The following GOLGB1 variants were observed in gnomAD, a reference collection of about 807,000 sequenced individuals.
GOLGB1 encodes golgin subfamily B member 1.
In GOLGB1, 174 loss-of-function variants were observed where a neutral mutation model predicts 336.9. That is an observed-to-expected ratio of 0.52 (90% CI 0.46 to 0.59). The LOEUF (loss-of-function observed/expected upper bound fraction) is 0.59, where lower values mean the gene tolerates loss of function less well. GOLGB1 is among the 20% of genes least tolerant of loss of function. The pLI, the probability that GOLGB1 is intolerant of heterozygous loss-of-function variation, is 0.00. For missense variants in GOLGB1, 3,331 were observed against 3,645.3 expected (o/e 0.91, Z 2.22); for synonymous variants, 1,208 against 1,289.2 (o/e 0.94, Z 1.35).
chr3:121,690,834 C>T lies in GOLGB1; in HGVS notation c.8530G>A (p.Ala2844Thr). Reference sequence around the variant, plus strand: ...TGATCTCTCTCATTCTGCAGACTGGCCATAGCCTTGGAAAAGGACTGCACT... The same window carrying T: ...TGATCTCTCTCATTCTGCAGACTGGTCATAGCCTTGGAAAAGGACTGCACT... ...NQVQSFSKAMASLQNERDHLW... is the reference protein window; with the variant it reads ...NQVQSFSKAMTSLQNERDHLW... Residue 2844 changes from alanine to threonine, a missense_variant, in exon 14 of 22, where the codon GCC (alanine) becomes ACC (threonine). Ala to Thr is a moderately conservative substitution (Grantham distance 58, BLOSUM62 0). Coordinates refer to ENST00000614479, the MANE Select transcript of GOLGB1 (RefSeq NM_001366282.2). 1.2e-6 allele frequency: 2 copies of T among 1,611,878 alleles called. No homozygotes were observed. The highest frequency in any genetic ancestry group is 1.7e-6 in the Non-Finnish European group (2 of 1,179,020).
intron 1 of GOLGB1, among the ~76,000 whole-genome samples, chr3:121,740,399 A>G (rs1196396953): frequency 6.6e-6 from 1 of 152,236 alleles, no homozygotes; most frequent in African/African-American, 2.4e-5. Context: ...AACAAATGAA[A>G]AAGAAATGAA....
In GOLGB1 at chr3:121,697,442, T is replaced by C; in HGVS notation, c.3081A>G (p.Glu1027=). ...LEEELANLKD[E]SKKEIPLSET... is the part of the protein sequence containing the mutation. Reference sequence around the variant, plus strand: ...CACTGAGTGGGATTTCTTTCTTAGATTCATCTTTCAAGTTGGCTAATTCTT... The same window carrying C: ...CACTGAGTGGGATTTCTTTCTTAGACTCATCTTTCAAGTTGGCTAATTCTT... Residue 1027 remains glutamate, a synonymous_variant, in exon 13 of 22, where the codon GAA becomes GAG. Coordinates refer to ENST00000614479, the MANE Select transcript of GOLGB1 (RefSeq NM_001366282.2). 6.2e-7 allele frequency: 1 copy of C among 1,611,322 alleles called. No homozygotes were observed. Among genetic ancestry groups the C allele is most frequent in the African/African-American group, 1.3e-5 (1 of 74,754 alleles).
chr3:121,717,291 A>T, intron 8 of GOLGB1, 152 bp from the exon 9 acceptor site: 1 of 658,688 alleles, frequency 1.5e-6, no homozygotes, highest in Non-Finnish European at 2.5e-6. Context: ...GTTGAAAATT[A>T]AGAAGAGAGG....
chr3:121,711,779 T>C, intron 10 of GOLGB1, among the ~76,000 whole-genome samples: 1 of 152,194 alleles, frequency 6.6e-6, no homozygotes, highest in East Asian at 1.9e-4. Flanking sequence ...ATGTGCATAA[T>C]TTCTCCAATG....
chr3:121,693,900 C>T lies in GOLGB1; in HGVS notation c.6623G>A (p.Arg2208Lys). The T allele has an allele frequency of 2.5e-6, 4 of 1,614,054 alleles. No individual in the cohort carries two copies. Among genetic ancestry groups the T allele is most frequent in the African/African-American group, 1.3e-5 (1 of 75,052 alleles). The change falls in exon 13 of 22, where the codon AGG becomes AAG. Residue 2208 changes from arginine to lysine, a missense_variant. Arg to Lys is a conservative substitution (Grantham distance 26). Transcript: ENST00000614479. The stretch of plus-strand genomic sequence containing the variant: ...CCATTTCTTAGCTTCATCTATCACC[C>T]TGTCACGATCATCCTGGAGGGAAGA... ...SMSSLQDDRD[R>K]VIDEAKKWER...
intron 1 of GOLGB1, among the ~76,000 whole-genome samples, chr3:121,747,424 T>C (rs1045202624): frequency 6.8e-6 from 1 of 146,834 alleles, no homozygotes; most frequent in African/African-American, 2.5e-5. Context: ...TGTATATATA[T>C]ACATATATAC....
At chr3:121,718,892 TA>T (rs1229298170) in intron 7 of GOLGB1, among the ~76,000 whole-genome samples, 1 of 152,180 alleles carries the variant, frequency 6.6e-6, no homozygotes, top group African/African-American at 2.4e-5. Flanking sequence ...TCTCTTCTCC[TA>T]GTTTCATGCA....
At chr3:121,665,258 T>C (rs982271614) in intron 20 of GOLGB1, among the ~76,000 whole-genome samples, 3 of 152,260 alleles carry the variant, frequency 2.0e-5, no homozygotes, top group African/African-American at 7.2e-5. Context: ...CTACTCACTA[T>C]GTATCAGGCT....
intron 17 of GOLGB1, among the ~76,000 whole-genome samples, chr3:121,672,610 G>A (rs1251797000): frequency 2.0e-5 from 3 of 152,130 alleles, no homozygotes; most frequent in Admixed American, 2.0e-4. Flanking sequence ...TGCTTCCTTT[G>A]CTGAACAGAA....
At chr3:121,741,184 T>C (rs1206877126) in intron 1 of GOLGB1, among the ~76,000 whole-genome samples, 2 of 152,152 alleles carry the variant, frequency 1.3e-5, no homozygotes, top group African/African-American at 4.8e-5. Context: ...ATATGAATAT[T>C]CCCTTAAGCC....
At chr3:121,737,749 G>A (rs1946578896) in intron 1 of GOLGB1, among the ~76,000 whole-genome samples, 1 of 152,030 alleles carries the variant, frequency 6.6e-6, no homozygotes, top group Non-Finnish European at 1.5e-5. Context: ...TTCTTCTACT[G>A]GGGATAATAA....
Position 121,730,026 on chromosome 3 carries a change from T to A in GOLGB1, c.97-9A>T. 6.2e-7 allele frequency: 1 copy of A among 1,600,250 alleles called. No individual in the cohort carries two copies. The highest frequency in any genetic ancestry group is 1.8e-5 in the Admixed American group (1 of 56,920). On this transcript the variant is annotated splice_polypyrimidine_tract_variant and intron_variant, in intron 2 of 21. Coordinates refer to ENST00000614479, the MANE Select transcript of GOLGB1 (RefSeq NM_001366282.2). ...GATTCTTGGTGTAATTCCTAATATT[T>A]AGGAAAAAAGTTGCCAGTGCACCAG...
rs756543287 is a variant in GOLGB1, at chr3:121,694,460, T to A, written c.6063A>T (p.Glu2021Asp). ...HAKELQELLK[E>D]KQQEVKQLQK... ...GTAGCTGCTTTACTTCTTGTTGTTT[T>A]TCTTTTAACAGTTCCTGAAGTTCCT... The change falls in exon 13 of 22, where the codon GAA (glutamate) becomes GAT (aspartate). Residue 2021 changes from glutamate (E) to aspartate (D), a missense_variant. Coordinates refer to ENST00000614479, the MANE Select transcript of GOLGB1 (RefSeq NM_001366282.2). 6.2e-7 allele frequency: 1 copy of A among 1,612,586 alleles called. No homozygotes were observed. Among genetic ancestry groups the A allele is most frequent in the South Asian group, 1.1e-5 (1 of 90,682 alleles).
rs1237879135 is a variant in GOLGB1, at chr3:121,694,456, G to T, written c.6067C>A (p.Gln2023Lys). ...KELQELLKEKQQEVKQLQKDC... is the reference protein window; with the variant it reads ...KELQELLKEKKQEVKQLQKDC... ...TTCTGTAGCTGCTTTACTTCTTGTT[G>T]TTTTTCTTTTAACAGTTCCTGAAGT... The change falls in exon 13 of 22, where the codon CAA becomes AAA. Residue 2023 changes from glutamine to lysine, a missense_variant. By Grantham distance (53) the Gln-to-Lys change is moderately conservative. Coordinates refer to ENST00000614479, the MANE Select transcript of GOLGB1 (RefSeq NM_001366282.2). The T allele has an allele frequency of 3.5e-5, 57 of 1,612,788 alleles. No homozygotes were observed. The highest frequency in any genetic ancestry group is 4.2e-5 in the Non-Finnish European group (50 of 1,179,788).
Position 121,681,791 on chromosome 3 carries a change from C to A in GOLGB1, c.8769G>T (p.Lys2923Asn). 2 of 1,605,722 alleles carry A rather than the reference C, an allele frequency of 1.2e-6. No homozygotes were observed. Among genetic ancestry groups the A allele is most frequent in the East Asian group, 2.2e-5 (1 of 44,824 alleles). ...NQEITELHPLKAQLQEYQDKT... is the reference protein window; with the variant it reads ...NQEITELHPLNAQLQEYQDKT... ...TATCTTGATACTCCTGAAGTTGAGCCTTCAGTGGATGTAACTCAGTGATCT... is the reference window on the plus strand; with the variant it reads ...TATCTTGATACTCCTGAAGTTGAGCATTCAGTGGATGTAACTCAGTGATCT... The change falls in exon 15 of 22, where the codon AAG becomes AAT. Residue 2923 changes from lysine (K) to asparagine (N), a missense_variant. Coordinates refer to ENST00000614479, the MANE Select transcript of GOLGB1 (RefSeq NM_001366282.2).
In GOLGB1 at chr3:121,738,482, G is replaced by A. The variant is rs16832536; in HGVS notation, c.-2-7509C>T. Among the ~76,000 whole-genome samples the A allele has an allele frequency of 1.0e-3, 155 of 152,264 alleles. 3 individuals carry two copies. The East Asian group carries it at 0.021, about 21-fold the overall frequency. On this transcript the variant is annotated intron_variant, in intron 1 of 21. Transcript: ENST00000614479. ...TAGTCAAAAGATCTGGGTGTCACTG[G>A]TGTTCAACTGGGAGGAAATTGAGGG...
At chr3:121,673,058 T>C (rs1429514830) in intron 17 of GOLGB1, among the ~76,000 whole-genome samples, 1 of 150,936 alleles carries the variant, frequency 6.6e-6, no homozygotes, top group Admixed American at 6.6e-5. Context: ...GTTTTGTGTG[T>C]TTTTTTGTTT....
chr3:121,743,366 C>G (rs1290613371), intron 1 of GOLGB1, among the ~76,000 whole-genome samples: 1 of 152,110 alleles, frequency 6.6e-6, no homozygotes, highest in Non-Finnish European at 1.5e-5. Context: ...ATCACAAGGA[C>G]AGAAATCAAA....
At chr3:121,723,098 T>C (rs1945311676) in intron 5 of GOLGB1, among the ~76,000 whole-genome samples, 1 of 152,220 alleles carries the variant, frequency 6.6e-6, no homozygotes, top group Admixed American at 6.5e-5. Flanking sequence ...AAACGTATTG[T>C]ATAATTCAGT....
Sources: gnomAD v4.1 joint callset for allele counts (sites outside exome capture counted in the v4.1 genomes callset) on GRCh38, gnomAD v4.1.1 for gene constraint, MANE v1.5 for transcripts, NCBI Gene and HGNC (gene_info 2026-07-23, HGNC 2026-07-21) for gene names.